The following SLC19A3 variants were observed in gnomAD, a reference collection of about 807,000 sequenced individuals.
SLC19A3 encodes the protein thiamine transporter 2.
SLC19A3 carries 31 observed loss-of-function variants against 40.2 expected under a neutral mutation model. The ratio of observed to expected loss-of-function variants is 0.77; its 90% CI spans 0.58 to 1.04. The LOEUF (loss-of-function observed/expected upper bound fraction) is 1.04, where lower values mean the gene tolerates loss of function less well. Among genes scored for constraint, SLC19A3 ranks in the 50% least tolerant of loss-of-function variants. The probability of loss-of-function intolerance (pLI) is 0.00; values close to 1 mark genes in which losing one functional copy is unlikely to be tolerated. For missense variants in SLC19A3, 592 were observed against 596.7 expected (o/e 0.99, Z 0.08); for synonymous variants, 212 against 227.5 (o/e 0.93, Z 0.61).
intron 1 of SLC19A3, among the ~76,000 whole-genome samples, chr2:227,716,967 T>C (rs1381336261): frequency 6.7e-6 from 1 of 149,230 alleles, no homozygotes. Context: ...GTTTCAATAT[T>C]GATAGGAGCA....
At position 227,686,716 on chromosome 2, in the gene SLC19A3, A is replaced by T. The variant is rs1361481302; in HGVS notation, c.*681T>A. ...ACCTTGTGTATTCTGCAAATACACA[A>T]GAGGATCTGAAGCTATTCTTGAGGG... On this transcript the variant is annotated 3_prime_UTR_variant, in exon 6 of 6. Transcript: ENST00000644224. The T allele has an allele frequency of 1.3e-5, 2 of 152,230 alleles. No homozygotes were observed. Among genetic ancestry groups the T allele is most frequent in the African/African-American group, 4.8e-5 (2 of 41,448 alleles). 9.4% of individuals were successfully genotyped at this position (152,230 alleles called of 1,614,324 possible).
rs1694940193 is a variant in SLC19A3 at position 227,684,112 on chromosome 2, T to C, written c.*3285A>G. On this transcript the variant is annotated 3_prime_UTR_variant, in exon 6 of 6. Coordinates refer to ENST00000644224, the MANE Select transcript of SLC19A3 (RefSeq NM_025243.4). ...CCGTGCCAGGCCTCATTTGTCTTTT[T>C]AGAAAAGTTATACGCATATATAAGC... 1.3e-5 allele frequency: 2 copies of C among 152,180 alleles called. No individual in the cohort carries two copies. Among genetic ancestry groups the C allele is most frequent in the African/African-American group, 2.4e-5 (1 of 41,524 alleles). The allele number at this position is 152,180 out of a possible 1,614,324, so 9.4% of individuals were successfully genotyped here.
intron 1 of SLC19A3, among the ~76,000 whole-genome samples, chr2:227,705,705 C>T (rs1417274045): frequency 6.6e-6 from 1 of 151,920 alleles, no homozygotes; most frequent in Non-Finnish European, 1.5e-5. Flanking sequence ...AACATGCCCT[C>T]GGGTCTGTCG....
chr2:227,688,358 G>A, intron 4 of SLC19A3, 51 bp from the exon 5 acceptor site: 1 of 1,568,660 alleles, frequency 6.4e-7, no homozygotes. Context: ...ATGGATGGAA[G>A]TCTTAAAAAG....
chr2:227,684,249 A>G lies in SLC19A3; in HGVS notation c.*3148T>C, dbSNP rs543152200. On this transcript the variant is annotated 3_prime_UTR_variant, in exon 6 of 6. Coordinates refer to ENST00000644224, the MANE Select transcript of SLC19A3 (RefSeq NM_025243.4). ...AGTAGAGCTCTTAGAGTTCTGTGTC[A>G]CTAAAGATCTTCCTCATTTTTTAGC... is the stretch of plus-strand genomic sequence containing the variant. 4.6e-5 allele frequency: 7 copies of G among 152,300 alleles called. No homozygotes were observed. Among genetic ancestry groups the G allele is most frequent in the African/African-American group, 1.7e-4 (7 of 41,562 alleles). 9.4% of individuals were successfully genotyped at this position (152,300 alleles called of 1,614,324 possible).
At chr2:227,710,564 C>T (rs912972382) in intron 1 of SLC19A3, among the ~76,000 whole-genome samples, 9 of 151,936 alleles carry the variant, frequency 5.9e-5, no homozygotes, top group East Asian at 1.9e-4. Flanking sequence ...GTTCAAGACC[C>T]GCCTGGGCAA....
At chr2:227,689,101 T>G (rs1049048760) in intron 4 of SLC19A3, among the ~76,000 whole-genome samples, 3 of 151,730 alleles carry the variant, frequency 2.0e-5, no homozygotes, top group African/African-American at 7.3e-5. Context: ...AAAAGAAGAA[T>G]GAGGCACACC....
chr2:227,716,448 G>A (rs1696338369), intron 1 of SLC19A3, among the ~76,000 whole-genome samples: 1 of 152,040 alleles, frequency 6.6e-6, no homozygotes, highest in South Asian at 2.1e-4. Context: ...TGACCTTCCC[G>A]GCTCCCAGCT....
At chr2:227,712,433 G>A (rs1039089635) in intron 1 of SLC19A3, among the ~76,000 whole-genome samples, 3 of 152,172 alleles carry the variant, frequency 2.0e-5, no homozygotes, top group African/African-American at 7.2e-5. Flanking sequence ...TTGGCCAAGA[G>A]CACATGCAAA....
chr2:227,709,800 C>T (rs1166005978), intron 1 of SLC19A3, among the ~76,000 whole-genome samples: 2 of 152,088 alleles, frequency 1.3e-5, no homozygotes, highest in Non-Finnish European at 2.9e-5. Flanking sequence ...AAGTCCTCGT[C>T]CATGTTGTAC....
intron 1 of SLC19A3, among the ~76,000 whole-genome samples, chr2:227,705,774 T>C (rs1574571777): frequency 6.6e-6 from 1 of 152,032 alleles, no homozygotes; most frequent in South Asian, 2.1e-4. Flanking sequence ...TATACCAAGG[T>C]GATGAGTTGA....
chr2:227,689,041 A>C (rs1695125165), intron 4 of SLC19A3, among the ~76,000 whole-genome samples: 1 of 152,180 alleles, frequency 6.6e-6, no homozygotes, highest in South Asian at 2.1e-4. Flanking sequence ...AGAAATAATT[A>C]GCAAGCTTGA....
intron 1 of SLC19A3, among the ~76,000 whole-genome samples, chr2:227,709,815 A>C (rs2396470): frequency 0.72 from 109,110 of 151,978 alleles, 40,162 homozygotes; most frequent in East Asian, 0.92. Flanking sequence ...TTGTACTGAC[A>C]ATACTGCCAG....
chr2:227,711,166 C>T (rs1696122063), intron 1 of SLC19A3, among the ~76,000 whole-genome samples: 1 of 152,072 alleles, frequency 6.6e-6, no homozygotes, highest in Non-Finnish European at 1.5e-5. Context: ...GCCTTTAATC[C>T]CAGCATTTTG....
At chr2:227,717,447 C>T (rs1260816117) in intron 1 of SLC19A3, among the ~76,000 whole-genome samples, 2 of 152,172 alleles carry the variant, frequency 1.3e-5, no homozygotes, top group African/African-American at 4.8e-5. Flanking sequence ...CTTAGGTATC[C>T]TTTCCAGCAG....
At chr2:227,696,900 T>C (rs899955145) in intron 3 of SLC19A3, among the ~76,000 whole-genome samples, 9 of 152,050 alleles carry the variant, frequency 5.9e-5, no homozygotes, top group Admixed American at 3.9e-4. Flanking sequence ...ACTCCAGCTC[T>C]ACTAAAAATA....
intron 5 of SLC19A3, 118 bp from the exon 6 acceptor site, chr2:227,687,691 T>A: frequency 2.0e-6 from 2 of 976,582 alleles, no homozygotes; most frequent in South Asian, 2.9e-5. Flanking sequence ...AGGTTTTTAA[T>A]ATGGGTCATT....
At chr2:227,711,607 C>T (rs986096468) in intron 1 of SLC19A3, among the ~76,000 whole-genome samples, 2 of 152,054 alleles carry the variant, frequency 1.3e-5, no homozygotes, top group Non-Finnish European at 2.9e-5. Flanking sequence ...ACTAACACCA[C>T]AGCATGCCAT....
At chr2:227,693,514 T>C (rs1192221244) in intron 4 of SLC19A3, among the ~76,000 whole-genome samples, 1 of 152,200 alleles carries the variant, frequency 6.6e-6, no homozygotes, top group Non-Finnish European at 1.5e-5. Flanking sequence ...CAAATGGTGC[T>C]GGGAAAACTG....
Sources: allele counts gnomAD v4.1 joint callset (sites outside exome capture counted in the v4.1 genomes callset), GRCh38; gene constraint gnomAD v4.1.1; transcripts MANE v1.5; gene names NCBI Gene and HGNC (gene_info 2026-07-23, HGNC 2026-07-21).